Variants in ZFAT observed in about 807,000 individuals in gnomAD.
The protein encoded by ZFAT is zinc finger and AT-hook domain containing.
Under a neutral mutation model 117.7 loss-of-function variants are expected in ZFAT, and 64 were observed. That is an observed-to-expected ratio of 0.54 (90% confidence interval 0.44 to 0.67). The LOEUF (loss-of-function observed/expected upper bound fraction) is 0.67, where lower values mean the gene tolerates loss of function less well. Ranked by LOEUF, ZFAT falls within the 30% of genes least tolerant of loss-of-function variation. The pLI is 0.00. For synonymous variants in ZFAT, 679 were observed against 615.0 expected, an observed-to-expected ratio of 1.10 and a Z score of -1.54; for missense variants, 1,433 against 1,584.5, an observed-to-expected ratio of 0.90 and a Z score of 1.62.
chr8:134,552,202 C>A (rs1306147780), intron 11 of ZFAT, among the ~76,000 whole-genome samples: 1 of 143,918 alleles, frequency 6.9e-6, no homozygotes, highest in Non-Finnish European at 1.6e-5. Flanking sequence ...TCCTGAAATC[C>A]TCTGCCCCTG....
chr8:134,716,155 A>G (rs1349838247), upstream of ZFAT, among the ~76,000 whole-genome samples: 1 of 139,530 alleles, frequency 7.2e-6, no homozygotes, highest in African/African-American at 2.6e-5. Context: ...ATATATATAT[A>G]TATATGTATA....
chr8:134,649,923 T>C (rs1831133827), intron 2 of ZFAT, among the ~76,000 whole-genome samples: 1 of 152,188 alleles, frequency 6.6e-6, no homozygotes, highest in Non-Finnish European at 1.5e-5. Context: ...CATGCCGTTC[T>C]CGTGATAAGT....
chr8:134,492,987 T>C (rs1818161235), intron 15 of ZFAT, among the ~76,000 whole-genome samples: 1 of 152,186 alleles, frequency 6.6e-6, no homozygotes, highest in Admixed American at 6.5e-5. Context: ...AAGGCCATGA[T>C]TCATCCCACT....
chr8:134,588,346 C>T lies in ZFAT; in HGVS notation c.2613G>A (p.Leu871=). The change falls in exon 9 of 16, where the codon CTG becomes CTA. Residue 871 remains leucine (L), a synonymous_variant. Transcript: ENST00000377838. ...TGGCTCTCTTTCCAATTAGCCCTTT[C>T]AGCTGAACCCTCCTCCCGAGAACCT... ...ISEVLGRRVQ[L]KGLIGKRAMK... 6.3e-7 allele frequency: 1 copy of T among 1,593,758 alleles called. No individual in the cohort carries two copies. Among genetic ancestry groups the T allele is most frequent in the Non-Finnish European group, 8.5e-7 (1 of 1,169,630 alleles).
chr8:134,774,646 A>G, the ZFAT span, among the ~76,000 whole-genome samples: 2 of 152,230 alleles, frequency 1.3e-5, no homozygotes, highest in Non-Finnish European at 2.9e-5. Flanking sequence ...TAACTTTTAT[A>G]TGCACTGGGA....
intron 10 of ZFAT, among the ~76,000 whole-genome samples, chr8:134,575,388 C>T (rs778861681): frequency 3.0e-4 from 45 of 152,078 alleles, no homozygotes; most frequent in Non-Finnish European, 6.2e-4. Context: ...GAAGCAGGGA[C>T]AGAAGAGATG....
the ZFAT span, among the ~76,000 whole-genome samples, chr8:134,770,740 G>C: frequency 1.3e-5 from 2 of 152,184 alleles, no homozygotes; most frequent in African/African-American, 4.8e-5. Flanking sequence ...AAGTATCACT[G>C]AATTCTTTTT....
At chr8:134,539,420 A>T (rs1223417942) in intron 11 of ZFAT, among the ~76,000 whole-genome samples, 1 of 152,246 alleles carries the variant, frequency 6.6e-6, no homozygotes, top group Non-Finnish European at 1.5e-5. Flanking sequence ...AAAAGGCTCA[A>T]AGATCAGATG....
intron 11 of ZFAT, among the ~76,000 whole-genome samples, chr8:134,549,042 G>A: frequency 6.6e-6 from 1 of 152,150 alleles, no homozygotes; most frequent in South Asian, 2.1e-4. Flanking sequence ...TTGAATCTCT[G>A]AACTCCAAGG....
In ZFAT at chr8:134,512,470, C is replaced by G; in HGVS notation, c.3361+5G>C. 2 of 1,613,274 alleles carry G rather than the reference C, an allele frequency of 1.2e-6. No individual in the cohort carries two copies. The highest frequency in any genetic ancestry group is 1.7e-6 in the Non-Finnish European group (2 of 1,179,654). On this transcript the variant is annotated splice_donor_5th_base_variant and intron_variant, in intron 14 of 15. Coordinates refer to ENST00000377838, the MANE Select transcript of ZFAT (RefSeq NM_020863.4). ...AGATGGCAAAGGAAGACCAGGCGTC[C>G]TCACCACTCTCAGAGGTGTATCTCA... is the stretch of plus-strand genomic sequence containing the variant.
intron 1 of ZFAT, chr8:134,696,607 G>A (rs369356332): frequency 4.8e-5 from 47 of 986,112 alleles, no homozygotes; most frequent in African/African-American, 2.4e-4. Context: ...CCACCCACCC[G>A]CGCTTCTCTC....
chr8:134,584,867 T>C (rs1445864978), intron 9 of ZFAT, among the ~76,000 whole-genome samples: 1 of 151,442 alleles, frequency 6.6e-6, no homozygotes, highest in Non-Finnish European at 1.5e-5. Flanking sequence ...AGCCAAACGT[T>C]TTCACCCATT....
chr8:134,656,881 C>G (rs369856372), intron 2 of ZFAT, among the ~76,000 whole-genome samples: 3 of 152,288 alleles, frequency 2.0e-5, no homozygotes, highest in African/African-American at 7.2e-5. Flanking sequence ...TTCTCTGATC[C>G]GTGCACCTGC....
At chr8:134,637,186 G>A (rs1211135292) in intron 3 of ZFAT, among the ~76,000 whole-genome samples, 2 of 152,236 alleles carry the variant, frequency 1.3e-5, no homozygotes, top group African/African-American at 4.8e-5. Flanking sequence ...AGCAAAGAGA[G>A]AGGCTGTGTT....
the ZFAT span, chr8:134,800,636 GT>G: frequency 1.1e-5 from 5 of 471,046 alleles, no homozygotes; most frequent in Non-Finnish European, 1.8e-5. Flanking sequence ...TCTTTACTAA[GT>G]TTGTACGGTT....
intron 7 of ZFAT, chr8:134,599,009 C>T (rs1415784718): frequency 6.6e-6 from 1 of 152,242 alleles, no homozygotes; most frequent in Non-Finnish European, 1.5e-5. Context: ...CTCATATTGG[C>T]TTCACTCCCT....
Position 134,602,996 on chromosome 8 carries a change from T to G in ZFAT, c.786-63A>C, listed in dbSNP as rs549200263. 155 of 1,539,802 alleles carry G rather than the reference T, an allele frequency of 1.0e-4. No homozygotes were observed. The African/African-American group carries it at 1.9e-3, about 19-fold the overall frequency. ...TTGAATGTTCCTCATGAACTCTACA[T>G]CCTTTTCATGAACCAAACACTAAAG... On this transcript the variant is annotated intron_variant, in intron 5 of 15. Coordinates refer to ENST00000377838, the MANE Select transcript of ZFAT (RefSeq NM_020863.4).
the ZFAT span, among the ~76,000 whole-genome samples, chr8:134,826,518 C>A: frequency 1.3e-5 from 2 of 152,130 alleles, no homozygotes; most frequent in African/African-American, 4.8e-5. Context: ...AGTAAAATTT[C>A]CACTCCATCT....
chr8:134,602,182 C>T lies in ZFAT; in HGVS notation c.1537G>A (p.Gly513Arg). ...TCTTCCACCAGCTGTAGCTGGTCCC[C>T]CAGAGCTTCTTGCTGGATGTCCCCA... is the stretch of plus-strand genomic sequence containing the variant. ...PGGDIQQEAL[G>R]DQLQLVEEEF... The change falls in exon 6 of 16, where the codon GGG (glycine) becomes AGG (arginine). Residue 513 changes from glycine to arginine, a missense_variant. Physicochemically the swap from Gly to Arg is moderately radical, Grantham distance 125. Around this residue, in one of 5 missense-constraint regions of ZFAT, gnomAD observed 372 missense variants for 355.6 expected, o/e 1.05. Coordinates refer to ENST00000377838, the MANE Select transcript of ZFAT (RefSeq NM_020863.4). The T allele has an allele frequency of 6.2e-7, 1 of 1,613,490 alleles. No homozygotes were observed. The highest frequency in any genetic ancestry group is 8.5e-7 in the Non-Finnish European group (1 of 1,179,994).
Sources: allele counts gnomAD v4.1 joint callset (sites outside exome capture counted in the v4.1 genomes callset), GRCh38; gene constraint gnomAD v4.1.1; regional missense constraint gnomAD v4.1.1; transcripts MANE v1.5; gene names NCBI Gene and HGNC (gene_info 2026-07-23, HGNC 2026-07-21).